BIRC6: variants seen among roughly 807,000 people sequenced by gnomAD.
The protein encoded by BIRC6 is dual E2 ubiquitin-conjugating enzyme/E3 ubiquitin-protein ligase BIRC6.
BIRC6 carries 98 observed loss-of-function variants against 503.3 expected under a neutral mutation model. The ratio of observed to expected loss-of-function variants is 0.19; its 90% CI spans 0.17 to 0.23. The LOEUF (loss-of-function observed/expected upper bound fraction) is 0.23, where lower values mean the gene tolerates loss of function less well. Ranked by LOEUF, BIRC6 falls within the 10% of genes least tolerant of loss-of-function variation. The pLI, the probability that BIRC6 is intolerant of heterozygous loss-of-function variation, is 1.00. For missense variants in BIRC6, 5,360 were observed against 5,806.0 expected, an observed-to-expected ratio of 0.92 and a Z score of 2.50; for synonymous variants, 2,240 against 2,078.7, an observed-to-expected ratio of 1.08 and a Z score of -2.11.
intron 3 of BIRC6, among the ~76,000 whole-genome samples, chr2:32,382,110 A>G (rs944894405): frequency 2.6e-5 from 4 of 152,216 alleles, no homozygotes; most frequent in African/African-American, 4.8e-5. Flanking sequence ...AGAGATAACT[A>G]TAGGAAGCAG....
At chr2:32,512,116 T>A (rs1436823476) in intron 53 of BIRC6, among the ~76,000 whole-genome samples, 1 of 152,196 alleles carries the variant, frequency 6.6e-6, no homozygotes, top group African/African-American at 2.4e-5. Context: ...ATGACAAGGT[T>A]GTTAGACTGA....
chr2:32,507,870 A>G, intron 50 of BIRC6, 110 bp from the exon 51 acceptor site: 4 of 1,000,866 alleles, frequency 4.0e-6, no homozygotes, highest in Non-Finnish European at 5.6e-6. Flanking sequence ...TCCTTTTACA[A>G]GTTCATGATG....
chr2:32,514,854 C>CT (rs1455219011), intron 54 of BIRC6, 136 bp from the exon 55 acceptor site: 1 of 671,274 alleles, frequency 1.5e-6, no homozygotes, highest in Non-Finnish European at 2.5e-6. Flanking sequence ...AGTCTTAAAT[C>CT]TTACAATGTT....
In BIRC6 at chr2:32,436,167, G is replaced by T; in HGVS notation, c.3614G>T (p.Ser1205Ile). The change falls in exon 15 of 74, where the codon AGC (serine) becomes ATC (isoleucine). Residue 1205 changes from serine (S) to isoleucine (I), a missense_variant. By Grantham distance (142) the Ser-to-Ile change is moderately radical. Around this residue, in one of 16 missense-constraint regions of BIRC6, gnomAD observed 2,299 missense variants for 2,267.2 expected, o/e 1.01. Transcript: ENST00000421745. ...CATGCTGGAATGTTGACGTTAACAAGCCCCAAACTTGTTAAAGGTGAAGTA... is the reference window on the plus strand; with the variant it reads ...CATGCTGGAATGTTGACGTTAACAATCCCCAAACTTGTTAAAGGTGAAGTA... The part of the protein sequence containing the change: ...SGHAGMLTLT[S>I]PKLVKGMAGG... The T allele has an allele frequency of 6.9e-7, 1 of 1,450,986 alleles. No individual in the cohort carries two copies. The highest frequency in any genetic ancestry group is 9.2e-7 in the Non-Finnish European group (1 of 1,082,112). The allele number at this position is 1,450,986 out of a possible 1,614,324, so 89.9% of individuals were successfully genotyped here. A position where few individuals can be genotyped will look rare whatever the true frequency, so the allele number is the denominator to read the frequency against.
At chr2:32,524,804 G>T in intron 57 of BIRC6, 84 bp from the exon 58 acceptor site, 2 of 999,382 alleles carry the variant, frequency 2.0e-6, no homozygotes, top group East Asian at 3.3e-5. Context: ...ATATTATCTT[G>T]CATAATCTCC....
At chr2:32,424,030 C>A (rs891616516) in intron 10 of BIRC6, among the ~76,000 whole-genome samples, 1 of 151,948 alleles carries the variant, frequency 6.6e-6, no homozygotes, top group Non-Finnish European at 1.5e-5. Flanking sequence ...AAAGTGAAGC[C>A]GTTTTGAAGT....
chr2:32,501,246 T>C (rs17011982), intron 46 of BIRC6, among the ~76,000 whole-genome samples: 33,276 of 152,132 alleles, frequency 0.22, 3,782 homozygotes, highest in Admixed American at 0.29. Context: ...CCACATCTTC[T>C]GTTTGATTAG....
At position 32,524,717 on chromosome 2, in the gene BIRC6, A is replaced by G. The variant is rs941242932; in HGVS notation, c.11624-171A>G. On this transcript the variant is annotated intron_variant, in intron 57 of 73. Coordinates refer to ENST00000421745, the MANE Select transcript of BIRC6 (RefSeq NM_016252.4). ...GTGGTGAGTCTTCCTCATCAATGTC[A>G]GTAAAGATTGGGTATCAGGCCTTTA... is the stretch of plus-strand genomic sequence containing the variant. The G allele has an allele frequency of 1.2e-5, 4 of 332,042 alleles. No individual in the cohort carries two copies. The East Asian group carries it at 2.4e-4, about 20-fold the overall frequency. 20.6% of individuals were successfully genotyped at this position (332,042 alleles called of 1,614,324 possible). A position where few individuals can be genotyped will look rare whatever the true frequency, so the allele number is the denominator to read the frequency against.
At chr2:32,380,379 A>G in intron 3 of BIRC6, 89 bp downstream of exon 3, 1 of 1,417,522 alleles carries the variant, frequency 7.1e-7, no homozygotes, top group Non-Finnish European at 9.3e-7. Flanking sequence ...CCTTTTGGAA[A>G]TGTTCTAATT....
At position 32,560,400 on chromosome 2, in the gene BIRC6, G is replaced by C. The variant is rs188558548; in HGVS notation, c.13144+10919G>C. Among the ~76,000 whole-genome samples the C allele has an allele frequency of 2.0e-5, 3 of 152,218 alleles. No homozygotes were observed. In the East Asian group the frequency reaches 5.8e-4, roughly 29 times the overall value. On this transcript the variant is annotated intron_variant, in intron 65 of 73. Coordinates refer to ENST00000421745, the MANE Select transcript of BIRC6 (RefSeq NM_016252.4). Reference sequence around the variant, plus strand: ...GCCTTCATACTCCTTGATATGAAGAGAATATCTTCTTCTATTTCCATAATG... The same window carrying C: ...GCCTTCATACTCCTTGATATGAAGACAATATCTTCTTCTATTTCCATAATG...
At chr2:32,463,560 A>C (rs866474936) in intron 24 of BIRC6, among the ~76,000 whole-genome samples, 179 bp downstream of exon 24, 10 of 152,220 alleles carry the variant, frequency 6.6e-5, no homozygotes, top group Middle Eastern at 3.2e-3. Context: ...AATTGTATGA[A>C]TACATCTTAT....
intron 15 of BIRC6, among the ~76,000 whole-genome samples, chr2:32,438,803 G>A (rs2045054397): frequency 6.6e-6 from 1 of 151,956 alleles, no homozygotes; most frequent in South Asian, 2.1e-4. Flanking sequence ...CTTGTGATCT[G>A]CCTGCCTCAC....
intron 66 of BIRC6, among the ~76,000 whole-genome samples, chr2:32,584,969 AT>A (rs1438315709): frequency 1.3e-5 from 2 of 152,300 alleles, no homozygotes; most frequent in Admixed American, 6.5e-5. Context: ...GCAGAAAAAA[AT>A]ATACCAGATT....
chr2:32,485,538 A>T (rs1261824902), intron 39 of BIRC6, 105 bp from the exon 40 acceptor site: 9 of 695,298 alleles, frequency 1.3e-5, no homozygotes, highest in Non-Finnish European at 2.2e-5. Flanking sequence ...GTAAGAACAC[A>T]CTCTTCATCC....
At chr2:32,538,918 CAAAT>C (rs1484075101) in intron 61 of BIRC6, among the ~76,000 whole-genome samples, 1 of 151,706 alleles carries the variant, frequency 6.6e-6, no homozygotes, top group Non-Finnish European at 1.5e-5. Context: ...TATGATTGAA[CAAAT>C]GAATGAATGA....
chr2:32,502,472 G>A (rs1002860053), intron 47 of BIRC6, among the ~76,000 whole-genome samples: 6 of 151,982 alleles, frequency 3.9e-5, no homozygotes, highest in African/African-American at 1.4e-4. Flanking sequence ...GTAAACATTT[G>A]TTGAATGTGT....
intron 66 of BIRC6, among the ~76,000 whole-genome samples, chr2:32,586,741 A>G (rs1429551072): frequency 6.6e-6 from 1 of 152,038 alleles, no homozygotes; most frequent in Non-Finnish European, 1.5e-5. Flanking sequence ...AGTCTTAATT[A>G]CTGAATTTGA....
At chr2:32,504,452 G>T (rs2053575686) in intron 49 of BIRC6, among the ~76,000 whole-genome samples, 1 of 151,806 alleles carries the variant, frequency 6.6e-6, no homozygotes, top group Non-Finnish European at 1.5e-5. Flanking sequence ...TGGATCATGA[G>T]GTCAGGAGAT....
At position 32,465,269 on chromosome 2, in the gene BIRC6, T is replaced by G. The variant is rs1369636593; in HGVS notation, c.5356+105T>G. 1.3e-5 allele frequency: 8 copies of G among 594,684 alleles called. No individual in the cohort carries two copies. In the South Asian group the frequency reaches 1.4e-4, roughly 11 times the overall value. The allele number at this position is 594,684 out of a possible 1,614,324, so 36.8% of individuals were successfully genotyped here. A position where few individuals can be genotyped will look rare whatever the true frequency, so the allele number is the denominator to read the frequency against. On this transcript the variant is annotated intron_variant, in intron 26 of 73. Transcript: ENST00000421745. ...GTTCGATTTTTTTTTTTTTTTTTTT[T>G]GCAAATCGCGTTTCCTCTTGGGTTA...
Sources: allele counts gnomAD v4.1 joint callset (sites outside exome capture counted in the v4.1 genomes callset), GRCh38; gene constraint gnomAD v4.1.1; regional missense constraint gnomAD v4.1.1; transcripts MANE v1.5; gene names NCBI Gene and HGNC (gene_info 2026-07-23, HGNC 2026-07-21).